GRK3: variants seen among roughly 807,000 people sequenced by gnomAD.
The protein encoded by GRK3 is G protein-coupled receptor kinase 3, also known as adrenergic, beta, receptor kinase 2.
GRK3 carries 54 observed loss-of-function variants against 95.7 expected under a neutral mutation model. The observed-to-expected ratio is 0.56, with a 90% confidence interval of 0.45 to 0.71. GRK3 has a LOEUF of 0.71. Ranked by LOEUF, GRK3 falls within the 30% of genes least tolerant of loss-of-function variation. GRK3 has a pLI of 0.00. For synonymous variants in GRK3, 281 were observed against 290.8 expected (o/e 0.97, Z 0.34); for missense variants, 649 against 851.2 (o/e 0.76, Z 2.96).
intron 1 of GRK3, among the ~76,000 whole-genome samples, chr22:25,586,385 CAG>C (rs564401752): frequency 1.9e-3 from 284 of 152,196 alleles, no homozygotes; most frequent in African/African-American, 6.6e-3. Flanking sequence ...ATTTGTAACT[CAG>C]AGGAGAAATG....
At chr22:25,585,298 C>T (rs1198345569) in intron 1 of GRK3, among the ~76,000 whole-genome samples, 1 of 152,262 alleles carries the variant, frequency 6.6e-6, no homozygotes, top group Non-Finnish European at 1.5e-5. Flanking sequence ...TATGTAACCG[C>T]AATAGAGGTT....
chr22:25,702,688 ATAAAGTAAGAGTTATCTT>A (rs2085268009), intron 13 of GRK3, among the ~76,000 whole-genome samples: 1 of 152,266 alleles, frequency 6.6e-6, no homozygotes, highest in African/African-American at 2.4e-5. Context: ...CATTCATTTC[ATAAAGTAAGAGTTATCTT>A]TATTAATTTC....
intron 2 of GRK3, among the ~76,000 whole-genome samples, chr22:25,644,134 TG>T (rs1321782404): frequency 6.6e-6 from 1 of 150,532 alleles, no homozygotes; most frequent in Non-Finnish European, 1.5e-5. Context: ...AGGGTTCTGG[TG>T]TTTTTTTTTT....
At chr22:25,703,430 C>A in intron 13 of GRK3, 80 bp from the exon 14 acceptor site, 1 of 1,097,730 alleles carries the variant, frequency 9.1e-7, no homozygotes, top group Non-Finnish European at 1.4e-6. Flanking sequence ...GGACATCATA[C>A]TTTACCCAAA....
chr22:25,672,504 C>T (rs2084991210), intron 7 of GRK3, among the ~76,000 whole-genome samples, 157 bp downstream of exon 7: 1 of 152,226 alleles, frequency 6.6e-6, no homozygotes, highest in South Asian at 2.1e-4. Flanking sequence ...TTCACCCTCC[C>T]ATGCTTCCTT....
chr22:25,587,251 C>G (rs1932345318), intron 1 of GRK3, among the ~76,000 whole-genome samples: 1 of 152,082 alleles, frequency 6.6e-6, no homozygotes, highest in Admixed American at 6.6e-5. Flanking sequence ...AGAAAAATTA[C>G]TCTTGGAAAC....
Position 25,564,945 on chromosome 22 carries a change from G to GC in GRK3, c.-89dup, listed in dbSNP as rs955105384. 14 of 214,604 alleles carry GC rather than the reference G, an allele frequency of 6.5e-5. No individual in the cohort carries two copies. The Admixed American group carries it at 7.4e-4, about 11-fold the overall frequency. The allele number at this position is 214,604 out of a possible 1,614,324, so 13.3% of individuals were successfully genotyped here. ...CGGAGGGGGGGGCTGCCCCGGGGCG[G>GC]CCCCCCCAGGTCGGGGCGCGGCGGG... On this transcript the variant is annotated 5_prime_UTR_variant, in exon 1 of 21. Coordinates refer to ENST00000324198, the MANE Select transcript of GRK3 (RefSeq NM_005160.4).
chr22:25,720,483 TTTTTTTTTTTTG>T (rs1395018796), intron 19 of GRK3, among the ~76,000 whole-genome samples: 1 of 141,610 alleles, frequency 7.1e-6, no homozygotes, highest in African/African-American at 2.7e-5. Context: ...TTTTTTTTTT[TTTTTTTTTTTTG>T]AGACAGAGTC....
rs1449172095 is a variant in GRK3, at chr22:25,728,702, G to C, written c.*6252G>C. On this transcript the variant is annotated 3_prime_UTR_variant, in exon 21 of 21. Coordinates refer to ENST00000324198, the MANE Select transcript of GRK3 (RefSeq NM_005160.4). Reference sequence around the variant, plus strand: ...CTGCTTTTAAGAGTAGCACATTTGAGTGTGACTTTTTCCCCCCTTCACTAT... The same window carrying C: ...CTGCTTTTAAGAGTAGCACATTTGACTGTGACTTTTTCCCCCCTTCACTAT... 2 of 152,192 alleles carry C rather than the reference G, an allele frequency of 1.3e-5. No individual in the cohort carries two copies. The highest frequency in any genetic ancestry group is 4.8e-5 in the African/African-American group (2 of 41,448). The allele number at this position is 152,192 out of a possible 1,614,324, so 9.4% of individuals were successfully genotyped here.
chr22:25,700,618 C>T (rs1297209484), intron 13 of GRK3, among the ~76,000 whole-genome samples: 1 of 152,292 alleles, frequency 6.6e-6, no homozygotes, highest in East Asian at 1.9e-4. Context: ...GACGGCGTCT[C>T]GCTCTATTGC....
intron 7 of GRK3, among the ~76,000 whole-genome samples, chr22:25,673,290 C>T (rs1159860385): frequency 6.6e-6 from 1 of 152,124 alleles, no homozygotes; most frequent in Admixed American, 6.5e-5. Context: ...TCTCTATCTC[C>T]TGACCTCATG....
intron 18 of GRK3, among the ~76,000 whole-genome samples, chr22:25,714,780 T>C (rs2085370402): frequency 6.6e-6 from 1 of 152,156 alleles, no homozygotes. Context: ...TGGAGACAGG[T>C]GGCCGGGTTT....
At chr22:25,565,239 C>T in intron 1 of GRK3, 86 bp downstream of exon 1, 1 of 601,316 alleles carries the variant, frequency 1.7e-6, no homozygotes, top group Admixed American at 4.6e-5. Context: ...GGGTCGGGCG[C>T]TGAGCCTCCG....
chr22:25,615,709 G>T (rs912688447), intron 2 of GRK3, among the ~76,000 whole-genome samples: 1 of 145,434 alleles, frequency 6.9e-6, no homozygotes, highest in Non-Finnish European at 1.5e-5. Flanking sequence ...CCTCCTTCTC[G>T]GGGGAGAAAG....
chr22:25,570,362 G>A (rs1931651061), intron 1 of GRK3, among the ~76,000 whole-genome samples: 1 of 152,126 alleles, frequency 6.6e-6, no homozygotes, highest in Non-Finnish European at 1.5e-5. Flanking sequence ...TAGAAAAGGG[G>A]CCACCTAAGC....
rs146563811 is a variant in GRK3, at chr22:25,665,081, C to T, written c.441+1377C>T. 8.7e-4 allele frequency among the ~76,000 whole-genome samples: 133 copies of T among 152,326 alleles called. No homozygotes were observed. In the East Asian group the frequency reaches 0.024, roughly 27 times the overall value. Reference sequence around the variant, plus strand: ...GAGGACCTTGGGTAAGCTCCTCCACCTTCCTAACTTCAGTTTTCTCATCTG... The same window carrying T: ...GAGGACCTTGGGTAAGCTCCTCCACTTTCCTAACTTCAGTTTTCTCATCTG... On this transcript the variant is annotated intron_variant, in intron 5 of 20. Transcript: ENST00000324198.
intron 1 of GRK3, among the ~76,000 whole-genome samples, chr22:25,603,631 A>G (rs114863800): frequency 0.013 from 2,036 of 152,232 alleles, 36 homozygotes; most frequent in African/African-American, 0.046. Flanking sequence ...ATTTATTTCT[A>G]TGTTCTATGA....
intron 2 of GRK3, among the ~76,000 whole-genome samples, chr22:25,641,647 C>T (rs2084743921): frequency 6.6e-6 from 1 of 152,094 alleles, no homozygotes; most frequent in Admixed American, 6.6e-5. Context: ...TGAAAGGCCT[C>T]CTCAAGGAAA....
intron 1 of GRK3, among the ~76,000 whole-genome samples, chr22:25,587,761 G>C (rs1341919220): frequency 6.6e-6 from 1 of 152,196 alleles, no homozygotes; most frequent in Non-Finnish European, 1.5e-5. Context: ...GTGGCAGTGA[G>C]TAAGTCTCAC....
Sources: gnomAD v4.1 joint callset for allele counts (sites outside exome capture counted in the v4.1 genomes callset) on GRCh38, gnomAD v4.1.1 for gene constraint, MANE v1.5 for transcripts, NCBI Gene and HGNC (gene_info 2026-07-23, HGNC 2026-07-21) for gene names.